The following AHSG variants were observed in gnomAD, a reference collection of about 807,000 sequenced individuals.
AHSG encodes alpha-2-HS-glycoprotein.
AHSG carries 23 observed loss-of-function variants against 30.1 expected under a neutral mutation model. The observed-to-expected ratio is 0.76, with a 90% CI of 0.55 to 1.08. The LOEUF is 1.08. AHSG is among the 50% of genes least tolerant of loss of function. The pLI, the probability that AHSG is intolerant of heterozygous loss-of-function variation, is 0.00. For synonymous variants in AHSG, 164 were observed against 186.3 expected (o/e 0.88, Z 0.98); for missense variants, 469 against 459.5 (o/e 1.02, Z -0.19).
At position 186,616,442 on chromosome 3, in the gene AHSG, G is replaced by C. The variant is rs112363978; in HGVS notation, c.325-1G>C. The stretch of plus-strand genomic sequence containing the variant: ...ATCCTCACGTGGGTTTCTTTCTCCA[G>C]GCTGTCGAAGGAGACTGTGATTTCC... On this transcript the variant is annotated splice_acceptor_variant, in intron 2 of 6. Transcript: ENST00000411641. LOFTEE classifies it high-confidence loss of function. The C allele has an allele frequency of 6.2e-7, 1 of 1,612,714 alleles. No homozygotes were observed. The highest frequency in any genetic ancestry group is 1.1e-5 in the South Asian group (1 of 90,634).
In AHSG at chr3:186,618,671, C is replaced by T. The variant is rs372419456; in HGVS notation, c.675+34C>T. 4.2e-4 allele frequency: 681 copies of T among 1,609,738 alleles called. 1 individual carries two copies. The highest frequency in any genetic ancestry group is 2.7e-3 in the Middle Eastern group (16 of 5,916). ...GCCGGGACCTTGGGGTGTTACCACT[C>T]GGACAGAGCTGTTTGTGGAACAGAA... On this transcript the variant is annotated intron_variant, in intron 5 of 6. Coordinates refer to ENST00000411641, the MANE Select transcript of AHSG (RefSeq NM_001622.4).
In AHSG at chr3:186,619,862, T is replaced by C; in HGVS notation, c.681T>C (p.Tyr227=). The C allele has an allele frequency of 6.2e-7, 1 of 1,610,936 alleles. No homozygotes were observed. The highest frequency in any genetic ancestry group is 8.5e-7 in the Non-Finnish European group (1 of 1,179,088). Residue 227 remains tyrosine (Y), a synonymous_variant, in exon 6 of 7, where the codon TAT becomes TAC. Coordinates refer to ENST00000411641, the MANE Select transcript of AHSG (RefSeq NM_001622.4). Reference sequence around the variant, plus strand: ...TCCTCTTTCTCTGTGGGCAGCAATATGGCTTTTGTAAGGCAACACTCAGTG... The same window carrying C: ...TCCTCTTTCTCTGTGGGCAGCAATACGGCTTTTGTAAGGCAACACTCAGTG... ...AKCNLLAEKQ[Y]GFCKATLSEK...
chr3:186,617,493 G>A (rs1323741019), intron 4 of AHSG, 143 bp downstream of exon 4: 3 of 1,467,106 alleles, frequency 2.0e-6, no homozygotes, highest in Non-Finnish European at 2.8e-6. Flanking sequence ...GGAAAGGGAA[G>A]AAAGCATCCT....
Position 186,613,306 on chromosome 3 carries a change from A to G in AHSG, c.165A>G (p.Gly55=), listed in dbSNP as rs765801914. ...ACATCAATCAAAACCTTCCTTGGGG[A>G]TACAAACACACCTTGAACCAGATTG... ...IDYINQNLPW[G]YKHTLNQIDE... The change falls in exon 1 of 7, where the codon GGA becomes GGG. Residue 55 remains glycine (G), a synonymous_variant. Coordinates refer to ENST00000411641, the MANE Select transcript of AHSG (RefSeq NM_001622.4). 1 of 1,614,132 alleles carries G rather than the reference A, an allele frequency of 6.2e-7. No homozygotes were observed. Among genetic ancestry groups the G allele is most frequent in the Non-Finnish European group, 8.5e-7 (1 of 1,180,006 alleles).
At chr3:186,619,389 AAG>A (rs1716407238) in intron 5 of AHSG, among the ~76,000 whole-genome samples, 1 of 152,218 alleles carries the variant, frequency 6.6e-6, no homozygotes, top group Non-Finnish European at 1.5e-5. Context: ...GAGACCAAAA[AAG>A]AGAGATCTGT....
At chr3:186,620,276 T>A (rs575536250) in intron 6 of AHSG, among the ~76,000 whole-genome samples, 2 of 152,282 alleles carry the variant, frequency 1.3e-5, no homozygotes, top group Non-Finnish European at 2.9e-5. Flanking sequence ...CAGCTTCAGA[T>A]GACAAAGAGG....
chr3:186,620,581 T>C lies in AHSG; in HGVS notation c.760-5T>C. The C allele has an allele frequency of 6.3e-7, 1 of 1,585,996 alleles. No homozygotes were observed. On this transcript the variant is annotated splice_polypyrimidine_tract_variant and splice_region_variant and intron_variant, in intron 6 of 6. Coordinates refer to ENST00000411641, the MANE Select transcript of AHSG (RefSeq NM_001622.4). ...ACTAACTGAAGGAAATGGTCCTTTT[T>C]CCAGCCCGTGAGCTCACAGCCCCAA...
At position 186,613,102 on chromosome 3, in the gene AHSG, C is replaced by T; in HGVS notation, c.-40C>T. ...GCACCTGGGTTGGTCCCGAAGCCTCCAACCACCTGCACGCCTGCCAGGGCC... is the reference window on the plus strand; with the variant it reads ...GCACCTGGGTTGGTCCCGAAGCCTCTAACCACCTGCACGCCTGCCAGGGCC... On this transcript the variant is annotated 5_prime_UTR_variant, in exon 1 of 7. Transcript: ENST00000411641. The T allele has an allele frequency of 6.2e-7, 1 of 1,604,920 alleles. No homozygotes were observed. The highest frequency in any genetic ancestry group is 1.7e-5 in the Admixed American group (1 of 59,562).
At position 186,620,887 on chromosome 3, in the gene AHSG, T is replaced by C. The variant is rs763435308; in HGVS notation, c.1061T>C (p.Val354Ala). The change falls in exon 7 of 7, where the codon GTG becomes GCG. Residue 354 changes from valine to alanine, a missense_variant. Physicochemically the swap from Val to Ala is moderately conservative, Grantham distance 64. Coordinates refer to ENST00000411641, the MANE Select transcript of AHSG (RefSeq NM_001622.4). ...AGTGTTGGTGCTGCTGCTGGGCCAG[T>C]GGTTCCTCCATGTCCGGGGAGGATC... ...QPSVGAAAGP[V>A]VPPCPGRIRH... The C allele has an allele frequency of 1.9e-6, 3 of 1,614,038 alleles. No homozygotes were observed. Among genetic ancestry groups the C allele is most frequent in the Non-Finnish European group, 2.5e-6 (3 of 1,179,974 alleles).
In AHSG at chr3:186,617,268, C is replaced by T. The variant is rs772079865; in HGVS notation, c.491C>T (p.Ala164Val). 94 of 1,614,086 alleles carry T rather than the reference C, an allele frequency of 5.8e-5. No individual in the cohort carries two copies. In the Middle Eastern group the frequency reaches 1.5e-3, roughly 25 times the overall value. The change falls in exon 4 of 7, where the codon GCG (alanine) becomes GTG (valine). Residue 164 changes from alanine to valine, a missense_variant. By Grantham distance (64) the Ala-to-Val change is moderately conservative. Coordinates refer to ENST00000411641, the MANE Select transcript of AHSG (RefSeq NM_001622.4). ...PLNDTRVVHA[A>V]KAALAAFNAQ... ...AACGACACCAGGGTGGTGCACGCCG[C>T]GAAAGCTGCCCTGGCCGCCTTCAAC...
Position 186,615,672 on chromosome 3 carries a change from T to C in AHSG, c.214-13T>C. On this transcript the variant is annotated splice_polypyrimidine_tract_variant and intron_variant, in intron 1 of 6. Transcript: ENST00000411641. ...GAATAGGTTGCTCACGGCTTCACTC[T>C]TTGTCTCCACAGCAGCCCTCCGGAG... The C allele has an allele frequency of 6.2e-6, 10 of 1,611,258 alleles. No individual in the cohort carries two copies. Among genetic ancestry groups the C allele is most frequent in the Non-Finnish European group, 8.5e-6 (10 of 1,177,378 alleles).
At position 186,613,339 on chromosome 3, in the gene AHSG, A is replaced by G. The variant is rs751378404; in HGVS notation, c.198A>G (p.Val66=). ...ACACCTTGAACCAGATTGATGAAGT[A>G]AAGGTGTGGCCTCAGGTAAGTGGAC... ...YKHTLNQIDE[V]KVWPQQPSGE... Residue 66 remains valine (V), a synonymous_variant, in exon 1 of 7, where the codon GTA becomes GTG. Transcript: ENST00000411641. 6.2e-7 allele frequency: 1 copy of G among 1,613,490 alleles called. No individual in the cohort carries two copies. The highest frequency in any genetic ancestry group is 8.5e-7 in the Non-Finnish European group (1 of 1,179,626).
intron 1 of AHSG, 55 bp from the exon 2 acceptor site, chr3:186,615,630 G>A (rs564504551): frequency 9.6e-6 from 14 of 1,456,278 alleles, no homozygotes; most frequent in Non-Finnish European, 1.4e-5. Flanking sequence ...ACCGTGGACC[G>A]CACCACAGGA....
rs756503746 is a variant in AHSG, at chr3:186,613,108, C to T, written c.-34C>T. The stretch of plus-strand genomic sequence containing the variant: ...GGGTTGGTCCCGAAGCCTCCAACCA[C>T]CTGCACGCCTGCCAGGGCCTCTCTG... On this transcript the variant is annotated 5_prime_UTR_variant, in exon 1 of 7. Transcript: ENST00000411641. 7.5e-6 allele frequency: 12 copies of T among 1,608,576 alleles called. No homozygotes were observed. The highest frequency in any genetic ancestry group is 1.3e-5 in the African/African-American group (1 of 74,770).
Position 186,618,576 on chromosome 3 carries a change from G to A in AHSG, c.614G>A (p.Gly205Asp), listed in dbSNP as rs781247581. The A allele has an allele frequency of 2.0e-5, 32 of 1,613,962 alleles. No homozygotes were observed. Among genetic ancestry groups the A allele is most frequent in the Non-Finnish European group, 2.6e-5 (31 of 1,179,974 alleles). ...PSTYVEFTVSGTDCVAKEATE... is the reference protein window; with the variant it reads ...PSTYVEFTVSDTDCVAKEATE... The stretch of plus-strand genomic sequence containing the variant: ...ACCTATGTGGAGTTTACAGTGTCTG[G>A]CACTGACTGTGTTGCTAAAGAGGCC... The change falls in exon 5 of 7, where the codon GGC becomes GAC. Residue 205 changes from glycine to aspartate, a missense_variant. By Grantham distance (94) the Gly-to-Asp change is moderately conservative. Transcript: ENST00000411641.
At chr3:186,619,765 T>A in intron 5 of AHSG, 92 bp from the exon 6 acceptor site, 1 of 1,027,508 alleles carries the variant, frequency 9.7e-7, no homozygotes, top group East Asian at 2.4e-5. Context: ...AAAAATGGTT[T>A]TTCAAACTAA....
In AHSG at chr3:186,621,012, C is replaced by T; in HGVS notation, c.*82C>T. On this transcript the variant is annotated 3_prime_UTR_variant, in exon 7 of 7. Coordinates refer to ENST00000411641, the MANE Select transcript of AHSG (RefSeq NM_001622.4). ...CCAAGCCTGGGCATGGGTGGGGGGCCTTGTCTGCTGGCCACGCAAGTGTCA... is the reference window on the plus strand; with the variant it reads ...CCAAGCCTGGGCATGGGTGGGGGGCTTTGTCTGCTGGCCACGCAAGTGTCA... The T allele has an allele frequency of 1.4e-6, 2 of 1,389,792 alleles. No individual in the cohort carries two copies. Among genetic ancestry groups the T allele is most frequent in the East Asian group, 4.9e-5 (2 of 41,220 alleles). The allele number at this position is 1,389,792 out of a possible 1,614,324, so 86.1% of individuals were successfully genotyped here. A position where few individuals can be genotyped will look rare whatever the true frequency, so the allele number is the denominator to read the frequency against.
At position 186,621,267 on chromosome 3, in the gene AHSG, T is replaced by C; in HGVS notation, c.*337T>C. The C allele has an allele frequency of 3.8e-6, 1 of 260,992 alleles. No individual in the cohort carries two copies. Among genetic ancestry groups the C allele is most frequent in the Non-Finnish European group, 7.4e-6 (1 of 134,818 alleles). 16.2% of individuals were successfully genotyped at this position (260,992 alleles called of 1,614,324 possible). ...CTCTTGCTAAGCTTATATGTGCCTGTTAATGAAAGTGCCTGAAAGACCTTC... is the reference window on the plus strand; with the variant it reads ...CTCTTGCTAAGCTTATATGTGCCTGCTAATGAAAGTGCCTGAAAGACCTTC... On this transcript the variant is annotated 3_prime_UTR_variant, in exon 7 of 7. Transcript: ENST00000411641.
intron 4 of AHSG, chr3:186,617,676 CCAGAA>C: frequency 2.4e-6 from 1 of 409,898 alleles, no homozygotes; most frequent in South Asian, 2.2e-5. Flanking sequence ...CCCACGTCGG[CCAGAA>C]GCACTCACTG....
Sources: allele counts gnomAD v4.1 joint callset (sites outside exome capture counted in the v4.1 genomes callset), GRCh38; gene constraint gnomAD v4.1.1; transcripts MANE v1.5; gene names NCBI Gene and HGNC (gene_info 2026-07-23, HGNC 2026-07-21).